RAB3IP: variants seen among roughly 807,000 people sequenced by gnomAD.
The protein encoded by RAB3IP is RAB3A interacting protein, also known as rab-3A-interacting protein.
RAB3IP carries 36 observed loss-of-function variants against 59.1 expected under a neutral mutation model. That is an observed-to-expected ratio of 0.61 (90% CI 0.47 to 0.80). The LOEUF is 0.80. RAB3IP is among the 30% of genes least tolerant of loss of function. The pLI, the probability that RAB3IP is intolerant of heterozygous loss-of-function variation, is 0.00. For synonymous variants in RAB3IP, 207 were observed against 191.2 expected (o/e 1.08, Z -0.68); for missense variants, 511 against 536.0 (o/e 0.95, Z 0.46).
At chr12:69,751,575 A>G (rs1949878184) in intron 1 of RAB3IP, among the ~76,000 whole-genome samples, 1 of 152,180 alleles carries the variant, frequency 6.6e-6, no homozygotes, top group Admixed American at 6.5e-5. Flanking sequence ...TTTTTCTAAT[A>G]TGCTGAAAAT....
intron 1 of RAB3IP, among the ~76,000 whole-genome samples, chr12:69,746,138 C>T (rs1005949992): frequency 2.6e-5 from 4 of 152,192 alleles, no homozygotes; most frequent in African/African-American, 4.8e-5. Context: ...AGACAGTAAT[C>T]GTTTAACCAG....
chr12:69,791,811 C>G (rs1876666484), intron 4 of RAB3IP, among the ~76,000 whole-genome samples: 1 of 152,178 alleles, frequency 6.6e-6, no homozygotes, highest in African/African-American at 2.4e-5. Context: ...AATCCCACTT[C>G]CAGATATATA....
chr12:69,756,305 G>T, intron 2 of RAB3IP, 100 bp from the exon 3 acceptor site: 3 of 1,211,442 alleles, frequency 2.5e-6, no homozygotes, highest in African/African-American at 1.5e-5. Flanking sequence ...AAATATAGAA[G>T]CTACCAAATT....
rs760119072 is a variant in RAB3IP at position 69,784,788 on chromosome 12, G to C, written c.579G>C (p.Leu193Phe). 4 of 1,609,930 alleles carry C rather than the reference G, an allele frequency of 2.5e-6. No homozygotes were observed. Among genetic ancestry groups the C allele is most frequent in the Non-Finnish European group, 3.4e-6 (4 of 1,177,308 alleles). ...SKVRDQLGQE[L>F]EELTASLFEE... The stretch of plus-strand genomic sequence containing the variant: ...TGCGAGATCAACTTGGACAGGAATT[G>C]GAAGAACTCACAGCTAGTCTATTTG... Residue 193 changes from leucine to phenylalanine, a missense_variant, in exon 4 of 11, where the codon TTG (leucine) becomes TTC (phenylalanine). Leu to Phe is a conservative substitution (Grantham distance 22). Transcript: ENST00000247833.
chr12:69,805,880 G>A (rs1879181116), intron 8 of RAB3IP, among the ~76,000 whole-genome samples: 1 of 152,142 alleles, frequency 6.6e-6, no homozygotes, highest in African/African-American at 2.4e-5. Flanking sequence ...TTTTTGATGT[G>A]TTGCTGGATT....
At position 69,821,264 on chromosome 12, in the gene RAB3IP, A is replaced by T. The variant is rs1162467583; in HGVS notation, c.*5818A>T. 1 of 152,244 alleles carries T rather than the reference A, an allele frequency of 6.6e-6. No individual in the cohort carries two copies. The highest frequency in any genetic ancestry group is 2.4e-5 in the African/African-American group (1 of 41,452). 9.4% of individuals were successfully genotyped at this position (152,244 alleles called of 1,614,324 possible). A position where few individuals can be genotyped will look rare whatever the true frequency, so the allele number is the denominator to read the frequency against. On this transcript the variant is annotated 3_prime_UTR_variant, in exon 11 of 11. Transcript: ENST00000247833. ...ACCAAAGCAAACCCAAATCACAACTAGATTAGATTACTATTCAAGAGAATG... is the reference window on the plus strand; with the variant it reads ...ACCAAAGCAAACCCAAATCACAACTTGATTAGATTACTATTCAAGAGAATG...
At chr12:69,772,346 G>A (rs574462140) in intron 3 of RAB3IP, among the ~76,000 whole-genome samples, 11 of 152,120 alleles carry the variant, frequency 7.2e-5, no homozygotes, top group African/African-American at 2.6e-4. Context: ...GTTGGGTCTT[G>A]TTTTTTAAAT....
rs1289154040 is a variant in RAB3IP, at chr12:69,823,183, A to T, written c.*7737A>T. The stretch of plus-strand genomic sequence containing the variant: ...TTATTTGTTAATTAAAAAAATAAAA[A>T]AAAGACCCACCCACTGTTTAAGTGT... On this transcript the variant is annotated 3_prime_UTR_variant, in exon 11 of 11. Coordinates refer to ENST00000247833, the MANE Select transcript of RAB3IP (RefSeq NM_022456.5). The T allele has an allele frequency of 6.6e-6, 1 of 152,156 alleles. No individual in the cohort carries two copies. Among genetic ancestry groups the T allele is most frequent in the Non-Finnish European group, 1.5e-5 (1 of 68,020 alleles). 9.4% of individuals were successfully genotyped at this position (152,156 alleles called of 1,614,324 possible).
Position 69,816,291 on chromosome 12 carries a change from A to T in RAB3IP, c.*845A>T, listed in dbSNP as rs1881132480. 1 of 152,212 alleles carries T rather than the reference A, an allele frequency of 6.6e-6. No individual in the cohort carries two copies. Among genetic ancestry groups the T allele is most frequent in the African/African-American group, 2.4e-5 (1 of 41,456 alleles). 9.4% of individuals were successfully genotyped at this position (152,212 alleles called of 1,614,324 possible). A position where few individuals can be genotyped will look rare whatever the true frequency, so the allele number is the denominator to read the frequency against. ...AAACTGACTCAACTGGAGAAATTAT[A>T]ACAAAGAGGTTTGTGGTAGACATGT... On this transcript the variant is annotated 3_prime_UTR_variant, in exon 11 of 11. Coordinates refer to ENST00000247833, the MANE Select transcript of RAB3IP (RefSeq NM_022456.5).
At chr12:69,740,180 G>C (rs1018871762) in intron 1 of RAB3IP, among the ~76,000 whole-genome samples, 1 of 151,828 alleles carries the variant, frequency 6.6e-6, no homozygotes, top group Non-Finnish European at 1.5e-5. Flanking sequence ...TTTTCTTCCA[G>C]TGCTGAATGA....
chr12:69,818,384 G>T lies in RAB3IP; in HGVS notation c.*2938G>T, dbSNP rs148208132. On this transcript the variant is annotated 3_prime_UTR_variant, in exon 11 of 11. Transcript: ENST00000247833. ...GGATTGCTTAAGCCCAGGAGGTTGA[G>T]GCTGCAGTGAATCATGATTGTGCCA... 1.3e-3 allele frequency: 195 copies of T among 152,068 alleles called. No individual in the cohort carries two copies. The highest frequency in any genetic ancestry group is 4.5e-3 in the African/African-American group (188 of 41,448). 9.4% of individuals were successfully genotyped at this position (152,068 alleles called of 1,614,324 possible). A position where few individuals can be genotyped will look rare whatever the true frequency, so the allele number is the denominator to read the frequency against.
At chr12:69,758,624 T>G (rs555475596) in intron 3 of RAB3IP, among the ~76,000 whole-genome samples, 32 of 152,270 alleles carry the variant, frequency 2.1e-4, no homozygotes, top group African/African-American at 7.7e-4. Flanking sequence ...CTTTGTGTGT[T>G]TAAACCCCAC....
intron 1 of RAB3IP, chr12:69,739,458 T>G: frequency 5.1e-6 from 1 of 195,308 alleles, no homozygotes; most frequent in Non-Finnish European, 1.0e-5. Context: ...GCGAAGAGGA[T>G]GAAGAGAGAG....
chr12:69,773,298 A>G (rs943295554), intron 3 of RAB3IP, among the ~76,000 whole-genome samples: 2 of 150,092 alleles, frequency 1.3e-5, no homozygotes, highest in African/African-American at 2.4e-5. Context: ...GAATATGATT[A>G]GTGATCTTTG....
chr12:69,820,536 G>T lies in RAB3IP; in HGVS notation c.*5090G>T, dbSNP rs2136302178. On this transcript the variant is annotated 3_prime_UTR_variant, in exon 11 of 11. Coordinates refer to ENST00000247833, the MANE Select transcript of RAB3IP (RefSeq NM_022456.5). ...TTCCCTGCTTAAAGCCCTTTGAGTG[G>T]CTTCCCATTGCACTTAGAAAAAAAA... 7.0e-6 allele frequency: 1 copy of T among 142,334 alleles called. No homozygotes were observed. The highest frequency in any genetic ancestry group is 2.7e-5 in the African/African-American group (1 of 36,438). 8.8% of individuals were successfully genotyped at this position (142,334 alleles called of 1,614,324 possible).
At chr12:69,806,166 A>G (rs1175015473) in intron 8 of RAB3IP, among the ~76,000 whole-genome samples, 1 of 152,128 alleles carries the variant, frequency 6.6e-6, no homozygotes, top group Non-Finnish European at 1.5e-5. Context: ...TATTGCCTCA[A>G]TTTCAGATCC....
chr12:69,815,369 C>A lies in RAB3IP; in HGVS notation c.1306C>A (p.Gln436Lys). Residue 436 changes from glutamine to lysine, a missense_variant, in exon 11 of 11, where the codon CAG becomes AAG. Transcript: ENST00000247833. Reference sequence around the variant, plus strand: ...TCTCTTTTCTGTTTGTATAGTTGATCAGATGTTTTGGGAGGTTATGCAGTT... The same window carrying A: ...TCTCTTTTCTGTTTGTATAGTTGATAAGATGTTTTGGGAGGTTATGCAGTT... Reference protein sequence around the residue: ...QGLVKQQDVDQMFWEVMQLRK... With the variant: ...QGLVKQQDVDKMFWEVMQLRK... The A allele has an allele frequency of 1.2e-6, 2 of 1,603,104 alleles. No homozygotes were observed. The highest frequency in any genetic ancestry group is 1.1e-5 in the South Asian group (1 of 90,736).
At chr12:69,789,341 A>G (rs755238677) in intron 4 of RAB3IP, among the ~76,000 whole-genome samples, 76 of 152,148 alleles carry the variant, frequency 5.0e-4, no homozygotes, top group Admixed American at 1.4e-3. Flanking sequence ...AAAAAAGATC[A>G]TAAGTGACTT....
At chr12:69,773,431 T>A (rs1474917681) in intron 3 of RAB3IP, among the ~76,000 whole-genome samples, 82 of 115,388 alleles carry the variant, frequency 7.1e-4, no homozygotes, top group African/African-American at 2.6e-3. Flanking sequence ...TTTATTATAC[T>A]CTAAGTTTTA....
Sources: allele counts gnomAD v4.1 joint callset (sites outside exome capture counted in the v4.1 genomes callset), GRCh38; gene constraint gnomAD v4.1.1; transcripts MANE v1.5; gene names NCBI Gene and HGNC (gene_info 2026-07-23, HGNC 2026-07-21).